The following HSP90AA1 variants were observed in gnomAD, a reference collection of about 807,000 sequenced individuals.
HSP90AA1 encodes heat shock protein HSP 90-alpha.
Under a neutral mutation model 73.3 loss-of-function variants are expected in HSP90AA1, and 18 were observed. The ratio of observed to expected loss-of-function variants is 0.25; its 90% confidence interval spans 0.17 to 0.36. The LOEUF (loss-of-function observed/expected upper bound fraction) is 0.36. HSP90AA1 is among the 10% of genes least tolerant of loss of function. The pLI is 1.00. For missense variants in HSP90AA1, 704 were observed against 874.2 expected (o/e 0.81, Z 2.45); for synonymous variants, 477 against 296.9 (o/e 1.61, Z -6.24).
upstream of HSP90AA1, among the ~76,000 whole-genome samples, chr14:102,091,624 A>G (rs1332616611): frequency 1.3e-5 from 2 of 151,616 alleles, no homozygotes; most frequent in Non-Finnish European, 2.9e-5. Flanking sequence ...AGACTGTCTC[A>G]AAAAAACAAA....
At position 102,126,781 on chromosome 14, in the gene HSP90AA1, G is replaced by C. The variant is rs1595679712; in HGVS notation, c.155+12469C>G. Among the ~76,000 whole-genome samples, 2 of 152,130 alleles carry C rather than the reference G, an allele frequency of 1.3e-5. 1 individual carries two copies. The highest frequency in any genetic ancestry group is 3.9e-4 in the East Asian group (2 of 5,194). On this transcript the variant is annotated intron_variant, in intron 1 of 11. Transcript: ENST00000334701. Reference sequence around the variant, plus strand: ...CTGACCTCGTGATCTGCCCGCCTAGGCCTCCCAAAGTCCTGGGACTACAGG... The same window carrying C: ...CTGACCTCGTGATCTGCCCGCCTAGCCCTCCCAAAGTCCTGGGACTACAGG...
upstream of HSP90AA1, among the ~76,000 whole-genome samples, chr14:102,087,532 TCA>T (rs2049276609): frequency 6.6e-6 from 1 of 151,870 alleles, no homozygotes; most frequent in African/African-American, 2.4e-5. Context: ...GGCCCGGGTC[TCA>T]CGCGCCCGGG....
At chr14:102,083,732 TAAAAAAAAA>T (rs201649309) in intron 7 of HSP90AA1, 39 bp from the exon 8 acceptor site, 12 of 1,400,550 alleles carry the variant, frequency 8.6e-6, no homozygotes, top group Non-Finnish European at 1.2e-5. Context: ...CTTTCTGAAT[TAAAAAAAAA>T]AAAAAAAAAC....
intron 1 of HSP90AA1, among the ~76,000 whole-genome samples, chr14:102,104,698 T>C (rs968838808): frequency 2.0e-5 from 3 of 152,120 alleles, no homozygotes; most frequent in African/African-American, 7.2e-5. Flanking sequence ...TTATTCCTTC[T>C]AACTGTATTT....
At chr14:102,139,653 T>G in exon 1 of HSP90AA1, 1 of 645,966 alleles carries the variant, frequency 1.5e-6, no homozygotes, top group Admixed American at 3.0e-5. Flanking sequence ...CGGCATCACC[T>G]GGGAAGCAGC....
chr14:102,104,847 T>C (rs570819133), intron 1 of HSP90AA1, among the ~76,000 whole-genome samples: 3 of 152,076 alleles, frequency 2.0e-5, no homozygotes, highest in Admixed American at 6.6e-5. Flanking sequence ...TTCCTGTACC[T>C]GGCTTATTTC....
upstream of HSP90AA1, among the ~76,000 whole-genome samples, chr14:102,091,476 T>G (rs117913730): frequency 0.042 from 6,343 of 151,664 alleles, 167 homozygotes; most frequent in Middle Eastern, 0.065. Context: ...TACAAAAAAA[T>G]TTAGCTGGGT....
At chr14:102,118,934 A>AACCTCC (rs1367284950) in intron 1 of HSP90AA1, among the ~76,000 whole-genome samples, 3 of 149,716 alleles carry the variant, frequency 2.0e-5, no homozygotes, top group Non-Finnish European at 3.0e-5. Context: ...GGCTCACTGC[A>AACCTCC]ACCTCCACCT....
At chr14:102,093,570 A>C (rs1366560063) in intron 2 of HSP90AA1, among the ~76,000 whole-genome samples, 1 of 151,812 alleles carries the variant, frequency 6.6e-6, no homozygotes, top group Non-Finnish European at 1.5e-5. Flanking sequence ...GTCTGGAGCC[A>C]GATTGTGAAT....
chr14:102,099,789 C>A (rs975567893), intron 2 of HSP90AA1, among the ~76,000 whole-genome samples: 9 of 152,324 alleles, frequency 5.9e-5, no homozygotes, highest in African/African-American at 1.9e-4. Context: ...AGTGCTACTG[C>A]CCAGCGGCGG....
chr14:102,085,179 T>G, intron 4 of HSP90AA1, 119 bp downstream of exon 4: 1 of 1,420,954 alleles, frequency 7.0e-7, no homozygotes, highest in Non-Finnish European at 9.9e-7. Context: ...AGTTAGGTAG[T>G]AGAGCTTAGG....
rs1353558660 is a variant in HSP90AA1, at chr14:102,121,369, C to T, written c.155+17881G>A. Among the ~76,000 whole-genome samples, 7 of 152,198 alleles carry T rather than the reference C, an allele frequency of 4.6e-5. No homozygotes were observed. The East Asian group carries it at 1.3e-3, about 29-fold the overall frequency. On this transcript the variant is annotated intron_variant, in intron 1 of 11. Transcript: ENST00000334701. ...CAATTTTTCACTATTAAGAACAATG[C>T]TTTGGTGAAAATCCTTATACACATA... is the stretch of plus-strand genomic sequence containing the variant.
intron 1 of HSP90AA1, among the ~76,000 whole-genome samples, chr14:102,133,777 C>T: frequency 6.6e-6 from 1 of 152,072 alleles, no homozygotes; most frequent in Non-Finnish European, 1.5e-5. Flanking sequence ...GCCACGGCGC[C>T]CAGCCTAAAC....
At chr14:102,099,557 CA>C (rs1207364323) in intron 2 of HSP90AA1, among the ~76,000 whole-genome samples, 2 of 151,096 alleles carry the variant, frequency 1.3e-5, no homozygotes, top group African/African-American at 4.9e-5. Flanking sequence ...AACTCCGTCT[CA>C]AAAAGAAAAA....
At chr14:102,138,226 C>T (rs550338468) in intron 1 of HSP90AA1, among the ~76,000 whole-genome samples, 6 of 151,902 alleles carry the variant, frequency 3.9e-5, no homozygotes, top group Admixed American at 2.6e-4. Flanking sequence ...TTTTCCCCCC[C>T]CAAAAATTAT....
chr14:102,093,042 G>GC (rs1352394230), intron 2 of HSP90AA1, among the ~76,000 whole-genome samples: 1 of 152,028 alleles, frequency 6.6e-6, no homozygotes, highest in Non-Finnish European at 1.5e-5. Context: ...ACCGCGCCCA[G>GC]CCAACAGCTG....
intron 1 of HSP90AA1, among the ~76,000 whole-genome samples, chr14:102,126,673 C>A (rs1595679678): frequency 6.6e-6 from 1 of 152,046 alleles, no homozygotes; most frequent in South Asian, 2.1e-4. Flanking sequence ...TACAGGCGCC[C>A]GCCACCACGC....
intron 1 of HSP90AA1, among the ~76,000 whole-genome samples, chr14:102,133,697 G>C (rs991473117): frequency 9.2e-5 from 14 of 152,016 alleles, no homozygotes; most frequent in Non-Finnish European, 1.9e-4. Flanking sequence ...CAGTCAGGCT[G>C]GTCTCGAACT....
In HSP90AA1 at chr14:102,117,231, C is replaced by T. The variant is rs541973243; in HGVS notation, c.156-15146G>A. Among the ~76,000 whole-genome samples, 14 of 152,252 alleles carry T rather than the reference C, an allele frequency of 9.2e-5. No homozygotes were observed. The South Asian group carries it at 1.7e-3, about 18-fold the overall frequency. On this transcript the variant is annotated intron_variant, in intron 1 of 11. Transcript: ENST00000334701. ...CCGTGAAAAGTTGTAGGAAGTAGAC[C>T]GGCTCCAGGGTGGAAAGGGGTGGGT...
Sources: allele counts gnomAD v4.1 joint callset (sites outside exome capture counted in the v4.1 genomes callset), GRCh38; gene constraint gnomAD v4.1.1; transcripts MANE v1.5; gene names NCBI Gene and HGNC (gene_info 2026-07-23, HGNC 2026-07-21).